Variants in GNAQ observed in about 807,000 individuals in gnomAD.
GNAQ encodes the protein G protein subunit alpha q, also known as guanine nucleotide-binding protein G(q) subunit alpha.
In GNAQ, 8 loss-of-function variants were observed where a neutral mutation model predicts 43.9. The ratio of observed to expected loss-of-function variants is 0.18; its 90% CI spans 0.11 to 0.33. The LOEUF is 0.33. Among genes scored for constraint, GNAQ ranks in the 10% least tolerant of loss-of-function variants. The pLI is 1.00. For missense variants in GNAQ, 158 were observed against 450.8 expected (o/e 0.35, Z 5.88); for synonymous variants, 155 against 170.7 (o/e 0.91, Z 0.71).
intron 2 of GNAQ, among the ~76,000 whole-genome samples, chr9:77,859,878 AT>A (rs1162819639): frequency 6.6e-6 from 1 of 152,214 alleles, no homozygotes; most frequent in Non-Finnish European, 1.5e-5. Context: ...TGAAGGTCTT[AT>A]CGGTCCTGGC....
intron 1 of GNAQ, among the ~76,000 whole-genome samples, chr9:77,948,364 C>T (rs1366231566): frequency 6.6e-6 from 1 of 152,220 alleles, no homozygotes; most frequent in South Asian, 2.1e-4. Context: ...TATCCCAACA[C>T]AGGACACAAA....
intron 2 of GNAQ, among the ~76,000 whole-genome samples, chr9:77,878,598 C>A (rs996279143): frequency 1.3e-5 from 2 of 151,160 alleles, no homozygotes; most frequent in African/African-American, 4.9e-5. Flanking sequence ...TATTTCAACC[C>A]CTAATTATTT....
intron 2 of GNAQ, among the ~76,000 whole-genome samples, chr9:77,832,606 CAAGT>C (rs1021294258): frequency 6.6e-6 from 1 of 152,200 alleles, no homozygotes; most frequent in African/African-American, 2.4e-5. Context: ...AAAACTATAA[CAAGT>C]AAGTATCATC....
At chr9:77,996,677 CAAAAAAAA>C (rs3083223) in intron 1 of GNAQ, among the ~76,000 whole-genome samples, 1,374 of 105,616 alleles carry the variant, frequency 0.013, 28 homozygotes, top group African/African-American at 0.048. Flanking sequence ...GACTCCATCT[CAAAAAAAA>C]AAAAAAAAAA....
chr9:77,878,229 T>TG (rs1407412889), intron 2 of GNAQ, among the ~76,000 whole-genome samples: 9 of 151,674 alleles, frequency 5.9e-5, no homozygotes, highest in African/African-American at 2.2e-4. Flanking sequence ...TTTGGTGTTT[T>TG]TTTTTTTTTT....
chr9:77,768,724 C>T (rs988782841), intron 5 of GNAQ, among the ~76,000 whole-genome samples: 1 of 152,202 alleles, frequency 6.6e-6, no homozygotes, highest in Non-Finnish European at 1.5e-5. Context: ...TGCTAAACCA[C>T]TCAGGAGTCC....
intron 2 of GNAQ, among the ~76,000 whole-genome samples, chr9:77,838,665 A>C (rs895832121): frequency 1.3e-5 from 2 of 151,682 alleles, no homozygotes; most frequent in African/African-American, 4.8e-5. Context: ...TGATCCACCC[A>C]CCTCGGCCTT....
intron 1 of GNAQ, among the ~76,000 whole-genome samples, chr9:77,945,866 A>G (rs1019129526): frequency 6.6e-6 from 1 of 152,178 alleles, no homozygotes; most frequent in African/African-American, 2.4e-5. Flanking sequence ...TCGTTTATAA[A>G]TGAGGAAACT....
chr9:78,001,246 A>C (rs961763309), intron 1 of GNAQ, among the ~76,000 whole-genome samples: 2 of 152,022 alleles, frequency 1.3e-5, no homozygotes, highest in African/African-American at 4.8e-5. Context: ...AAAAATACAA[A>C]AAAAAATTGC....
chr9:77,770,086 A>G (rs961290632), intron 5 of GNAQ, among the ~76,000 whole-genome samples: 2 of 152,210 alleles, frequency 1.3e-5, no homozygotes, highest in East Asian at 1.9e-4. Context: ...AATGATTGGT[A>G]TAACTTGAGA....
intron 2 of GNAQ, among the ~76,000 whole-genome samples, chr9:77,818,172 C>G (rs1827052176): frequency 6.6e-6 from 1 of 152,140 alleles, no homozygotes; most frequent in Non-Finnish European, 1.5e-5. Flanking sequence ...ATATTGCCCT[C>G]AAAAACAGAG....
chr9:77,967,675 GT>G (rs1299934232), intron 1 of GNAQ, among the ~76,000 whole-genome samples: 1 of 152,238 alleles, frequency 6.6e-6, no homozygotes, highest in East Asian at 1.9e-4. Flanking sequence ...AGAATGGGGA[GT>G]GACTGTTAAA....
chr9:77,759,592 T>C (rs1284289654), intron 5 of GNAQ, among the ~76,000 whole-genome samples: 1 of 152,218 alleles, frequency 6.6e-6, no homozygotes, highest in Non-Finnish European at 1.5e-5. Context: ...GGCAGGTCTA[T>C]GGAACAGTGT....
intron 1 of GNAQ, among the ~76,000 whole-genome samples, chr9:77,998,428 C>T (rs375207825): frequency 1.3e-5 from 2 of 152,348 alleles, no homozygotes; most frequent in South Asian, 2.1e-4. Context: ...CTCCTCGATT[C>T]TTCCTAAATC....
At chr9:77,983,009 A>G (rs753850002) in intron 1 of GNAQ, among the ~76,000 whole-genome samples, 5 of 152,204 alleles carry the variant, frequency 3.3e-5, no homozygotes, top group African/African-American at 7.2e-5. Flanking sequence ...TAGAAGAACC[A>G]TAACAGAGAA....
intron 5 of GNAQ, among the ~76,000 whole-genome samples, chr9:77,760,976 G>A (rs1489200803): frequency 2.0e-5 from 3 of 150,794 alleles, no homozygotes; most frequent in African/African-American, 4.9e-5. Context: ...CCTGGCAACC[G>A]CCCCGTCTGA....
chr9:77,885,868 T>C (rs1372999246), intron 2 of GNAQ, among the ~76,000 whole-genome samples: 1 of 152,108 alleles, frequency 6.6e-6, no homozygotes, highest in Non-Finnish European at 1.5e-5. Flanking sequence ...TCAAATTCAA[T>C]AAATGCTGAT....
rs866051680 is a variant in GNAQ, at chr9:77,763,148, A to C, written c.735+31315T>G. Among the ~76,000 whole-genome samples the C allele has an allele frequency of 5.2e-3, 788 of 152,042 alleles. 14 individuals carry two copies. The highest frequency in any genetic ancestry group is 0.018 in the African/African-American group (753 of 41,464). ...AATAAACAAACAAACAAACAAAAAA[A>C]AAAAAAACAAAGGAAAAGGTAAGTG... On this transcript the variant is annotated intron_variant, in intron 5 of 6. Coordinates refer to ENST00000286548, the MANE Select transcript of GNAQ (RefSeq NM_002072.5).
chr9:77,746,168 TA>T (rs1364875794), intron 5 of GNAQ, among the ~76,000 whole-genome samples: 2 of 152,188 alleles, frequency 1.3e-5, no homozygotes, highest in African/African-American at 4.8e-5. Context: ...AGAATAGGGA[TA>T]TTTTTAGACA....
Sources: allele counts gnomAD v4.1 joint callset (sites outside exome capture counted in the v4.1 genomes callset), GRCh38; gene constraint gnomAD v4.1.1; transcripts MANE v1.5; gene names NCBI Gene and HGNC (gene_info 2026-07-23, HGNC 2026-07-21).